CFAP46: variants seen among roughly 807,000 people sequenced by gnomAD.
CFAP46 encodes the protein cilia and flagella associated protein 46.
CFAP46 carries 245 observed loss-of-function variants against 325.7 expected under a neutral mutation model. The observed-to-expected ratio is 0.75, with a 90% confidence interval of 0.68 to 0.84. The LOEUF (loss-of-function observed/expected upper bound fraction) is 0.84, where lower values mean the gene tolerates loss of function less well. Ranked by LOEUF, CFAP46 falls within the 40% of genes least tolerant of loss-of-function variation. The pLI, the probability that CFAP46 is intolerant of heterozygous loss-of-function variation, is 0.00. For synonymous variants in CFAP46, 1,523 were observed against 1,495.9 expected (o/e 1.02, Z -0.42); for missense variants, 3,346 against 3,543.0 (o/e 0.94, Z 1.41).
At chr10:132,850,052 C>T (rs1206321412) in intron 41 of CFAP46, among the ~76,000 whole-genome samples, 192 bp downstream of exon 41, 1 of 152,226 alleles carries the variant, frequency 6.6e-6, no homozygotes, top group Non-Finnish European at 1.5e-5. Flanking sequence ...CACTGTGTTT[C>T]CCTCCCAGGT....
chr10:132,867,326 CG>C (rs1419902171), intron 34 of CFAP46, 48 bp downstream of exon 34: 1 of 1,527,806 alleles, frequency 6.5e-7, no homozygotes, highest in Non-Finnish European at 8.8e-7. Flanking sequence ...CACGAGGCAC[CG>C]GCGCCCGCTG....
At chr10:132,821,413 G>C (rs1283786403) in intron 50 of CFAP46, among the ~76,000 whole-genome samples, 4 of 135,506 alleles carry the variant, frequency 3.0e-5, no homozygotes, top group African/African-American at 8.2e-5. Flanking sequence ...GCTGTGTGCT[G>C]TGTGAGCGCT....
chr10:132,937,481 A>G (rs1237270980), intron 6 of CFAP46, 71 bp downstream of exon 6: 1 of 1,576,826 alleles, frequency 6.3e-7, no homozygotes, highest in Non-Finnish European at 8.7e-7. Context: ...TGTAATTTCT[A>G]CGCAGTTTTC....
chr10:132,814,792 G>A (rs1314037129), intron 51 of CFAP46, 46 bp from the exon 52 acceptor site: 2 of 1,613,616 alleles, frequency 1.2e-6, no homozygotes, highest in East Asian at 4.5e-5. Flanking sequence ...CCAGGAGCCT[G>A]ACCTCCCGCT....
At position 132,833,452 on chromosome 10, in the gene CFAP46, T is replaced by A. The variant is rs1219905393; in HGVS notation, c.7023A>T (p.Glu2341Asp). The A allele has an allele frequency of 1.2e-6, 2 of 1,614,070 alleles. No homozygotes were observed. Among genetic ancestry groups the A allele is most frequent in the Admixed American group, 3.3e-5 (2 of 60,010 alleles). ...ADRHLLELPL[E>D]GLSVFDEGTI... ...TCCCTTCATCGAACACAGAGAGACCTTCCAGTGGCAGCTCCAGGAGATGTC... is the reference window on the plus strand; with the variant it reads ...TCCCTTCATCGAACACAGAGAGACCATCCAGTGGCAGCTCCAGGAGATGTC... Residue 2341 changes from glutamate (E) to aspartate (D), a missense_variant, in exon 50 of 58, where the codon GAA becomes GAT. Physicochemically the swap from Glu to Asp is conservative, Grantham distance 45. Coordinates refer to ENST00000368586, the MANE Select transcript of CFAP46 (RefSeq NM_001200049.3).
chr10:132,881,867 C>T lies in CFAP46; in HGVS notation c.3628-835G>A, dbSNP rs1591069685. The stretch of plus-strand genomic sequence containing the variant: ...GCTGGCCCATGCCACTTATTCAGCC[C>T]ACGAATCTGCTGGGGGTTCCCTCTG... On this transcript the variant is annotated intron_variant, in intron 27 of 57. Coordinates refer to ENST00000368586, the MANE Select transcript of CFAP46 (RefSeq NM_001200049.3). Among the ~76,000 whole-genome samples the T allele has an allele frequency of 2.0e-5, 3 of 152,400 alleles. No individual in the cohort carries two copies. In the East Asian group the frequency reaches 5.8e-4, roughly 29 times the overall value.
rs1849228067 is a variant in CFAP46, at chr10:132,889,698, C to A, written c.3304+2635G>T. Among the ~76,000 whole-genome samples the A allele has an allele frequency of 6.6e-6, 1 of 152,194 alleles. No homozygotes were observed. The highest frequency in any genetic ancestry group is 1.5e-5 in the Non-Finnish European group (1 of 68,038). On this transcript the variant is annotated intron_variant, in intron 25 of 57. Transcript: ENST00000368586. The surrounding 1 kb of genome is among the most constrained non-coding windows in gnomAD (Gnocchi z 6.0). ...GGAGGCACTGCAGCCGGACCCCACC[C>A]CTCATGCATTCCTGTGGACCGTCTC...
At position 132,810,424 on chromosome 10, in the gene CFAP46, C is replaced by G. The variant is rs375166106; in HGVS notation, c.7649G>C (p.Arg2550Pro). The G allele has an allele frequency of 3.7e-6, 6 of 1,613,338 alleles. No individual in the cohort carries two copies. Among genetic ancestry groups the G allele is most frequent in the Non-Finnish European group, 2.5e-6 (3 of 1,179,982 alleles). The change falls in exon 57 of 58, where the codon CGA becomes CCA. Residue 2550 changes from arginine to proline, a missense_variant. By Grantham distance (103) the Arg-to-Pro change is moderately radical. Coordinates refer to ENST00000368586, the MANE Select transcript of CFAP46 (RefSeq NM_001200049.3). The stretch of plus-strand genomic sequence containing the variant: ...CCTCCCTTACCTTGGTTCACCGCCT[C>G]GTCGCCACTCATCTTCTGAAGGAGA... ...SASPSEDEWR[R>P]GGEPRRGFSD...
intron 50 of CFAP46, among the ~76,000 whole-genome samples, chr10:132,823,977 G>A (rs1191693052): frequency 8.2e-6 from 1 of 122,494 alleles, no homozygotes; most frequent in African/African-American, 3.3e-5. Flanking sequence ...GTGCTAATGT[G>A]TGCTGTGTGT....
chr10:132,854,224 A>G (rs1450025283), intron 39 of CFAP46, among the ~76,000 whole-genome samples: 1 of 152,184 alleles, frequency 6.6e-6, no homozygotes, highest in African/African-American at 2.4e-5. Context: ...CTTCAGTTCA[A>G]AATACTTTCC....
Position 132,908,519 on chromosome 10 carries a change from C to T in CFAP46, c.2873G>A (p.Cys958Tyr). The change falls in exon 22 of 58, where the codon TGT (cysteine) becomes TAT (tyrosine). Residue 958 changes from cysteine (C) to tyrosine (Y), a missense_variant. Physicochemically the swap from Cys to Tyr is radical, Grantham distance 194 (BLOSUM62 -2). Transcript: ENST00000368586. Reference sequence around the variant, plus strand: ...GCCCATCTCCAGAGCCCTGTGAGCACAGGCCATGGTGGTCTCATGGTCACG... The same window carrying T: ...GCCCATCTCCAGAGCCCTGTGAGCATAGGCCATGGTGGTCTCATGGTCACG... ...AARDHETTMACAHRALEMGIK... is the reference protein window; with the variant it reads ...AARDHETTMAYAHRALEMGIK... The T allele has an allele frequency of 6.4e-7, 1 of 1,550,564 alleles. No homozygotes were observed.
intron 57 of CFAP46, among the ~76,000 whole-genome samples, chr10:132,809,906 C>T (rs1847543320): frequency 6.6e-6 from 1 of 152,206 alleles, no homozygotes; most frequent in African/African-American, 2.4e-5. Context: ...ATGGGAGACA[C>T]CCCTCAACCC....
At chr10:132,887,667 A>C (rs1413500444) in intron 25 of CFAP46, among the ~76,000 whole-genome samples, 161 of 10,320 alleles carry the variant, frequency 0.016, no homozygotes, top group Admixed American at 0.021. Flanking sequence ...CTCCTCTTTC[A>C]CCTCTCTCTC....
At chr10:132,852,740 C>A (rs897287821) in intron 39 of CFAP46, among the ~76,000 whole-genome samples, 3 of 152,228 alleles carry the variant, frequency 2.0e-5, no homozygotes, top group Non-Finnish European at 2.9e-5. Context: ...TAGGTATTCT[C>A]AAATTTTTCT....
At chr10:132,928,513 T>C (rs1374573490) in intron 9 of CFAP46, among the ~76,000 whole-genome samples, 3 of 152,160 alleles carry the variant, frequency 2.0e-5, no homozygotes, top group Non-Finnish European at 4.4e-5. Context: ...CATCTCCTAT[T>C]CTGAAACCAT....
intron 35 of CFAP46, among the ~76,000 whole-genome samples, chr10:132,864,722 G>GTT (rs1848787333): frequency 4.2e-5 from 4 of 95,510 alleles, no homozygotes; most frequent in Non-Finnish European, 7.8e-5. Context: ...GCACACACCT[G>GTT]CCCTCAGTGC....
At chr10:132,924,925 G>T in intron 10 of CFAP46, 39 bp from the exon 11 acceptor site, 2 of 1,358,126 alleles carry the variant, frequency 1.5e-6, no homozygotes, top group South Asian at 3.6e-5. Context: ...GAGGTTGCTG[G>T]CTCGAGCTGC....
Position 132,846,097 on chromosome 10 carries a change from A to C in CFAP46, c.6398T>G (p.Leu2133Arg), listed in dbSNP as rs2135098396. 6.2e-7 allele frequency: 1 copy of C among 1,604,430 alleles called. No individual in the cohort carries two copies. Among genetic ancestry groups the C allele is most frequent in the Non-Finnish European group, 8.5e-7 (1 of 1,178,672 alleles). The change falls in exon 44 of 58, where the codon CTG (leucine) becomes CGG (arginine). Residue 2133 changes from leucine to arginine, a missense_variant. Leu to Arg is a moderately radical substitution (Grantham distance 102). Transcript: ENST00000368586. ...LRCQDRTTTS[L>R]GARVEQRLAA... ...CAGCCTCTGCTCCACACGGGCGCCC[A>C]GGCTGGTGGTGGTCCTGTCTTGGCA...
At position 132,939,360 on chromosome 10, in the gene CFAP46, C is replaced by A. The variant is rs1373592809; in HGVS notation, c.372-607G>T. Among the ~76,000 whole-genome samples, 1 of 152,180 alleles carries A rather than the reference C, an allele frequency of 6.6e-6. No homozygotes were observed. Among genetic ancestry groups the A allele is most frequent in the East Asian group, 1.9e-4 (1 of 5,176 alleles). ...TGGAAGAGTGAGCAGAGACCCCTCTCAGGGGTCTGGGCCTCTCCCTGGGCA... is the reference window on the plus strand; with the variant it reads ...TGGAAGAGTGAGCAGAGACCCCTCTAAGGGGTCTGGGCCTCTCCCTGGGCA... On this transcript the variant is annotated intron_variant, in intron 4 of 57. Coordinates refer to ENST00000368586, the MANE Select transcript of CFAP46 (RefSeq NM_001200049.3). The surrounding 1 kb of genome is among the most constrained non-coding windows in gnomAD (Gnocchi z 4.6).
Sources: allele counts gnomAD v4.1 joint callset (sites outside exome capture counted in the v4.1 genomes callset), GRCh38; gene constraint gnomAD v4.1.1; non-coding constraint Gnocchi (gnomAD v3.1); transcripts MANE v1.5; gene names NCBI Gene and HGNC (gene_info 2026-07-23, HGNC 2026-07-21).